KDM4C: variants seen among roughly 807,000 people sequenced by gnomAD.
KDM4C encodes the protein lysine demethylase 4C.
Under a neutral mutation model 129.3 loss-of-function variants are expected in KDM4C, and 81 were observed. The ratio of observed to expected loss-of-function variants is 0.63; its 90% CI spans 0.52 to 0.75. KDM4C has a LOEUF of 0.75. Among genes scored for constraint, KDM4C ranks in the 30% least tolerant of loss-of-function variants. KDM4C has a pLI of 0.00. For synonymous variants in KDM4C, 573 were observed against 456.1 expected, an observed-to-expected ratio of 1.26 and a Z score of -3.26; for missense variants, 1,457 against 1,304.0, an observed-to-expected ratio of 1.12 and a Z score of -1.81.
intron 18 of KDM4C, among the ~76,000 whole-genome samples, chr9:7,114,889 G>C (rs1328087183): frequency 2.0e-5 from 3 of 152,002 alleles, no homozygotes; most frequent in South Asian, 4.2e-4. Context: ...TATCAGCCTG[G>C]GCAACACAAC....
At chr9:7,061,335 A>T (rs543328355) in intron 17 of KDM4C, among the ~76,000 whole-genome samples, 1 of 152,294 alleles carries the variant, frequency 6.6e-6, no homozygotes, top group East Asian at 1.9e-4. Context: ...CCTTTGAGAA[A>T]CCTGTCCCGG....
At chr9:7,032,082 C>G (rs1056920475) in intron 15 of KDM4C, among the ~76,000 whole-genome samples, 8 of 152,240 alleles carry the variant, frequency 5.3e-5, no homozygotes, top group Non-Finnish European at 1.0e-4. Flanking sequence ...GAAGCTCCAA[C>G]CCCTGTAACT....
chr9:7,129,844 A>T (rs1328180131), intron 19 of KDM4C, among the ~76,000 whole-genome samples: 1 of 152,186 alleles, frequency 6.6e-6, no homozygotes, highest in East Asian at 1.9e-4. Flanking sequence ...AACCCTACAC[A>T]CTAGGCACTA....
At position 7,000,087 on chromosome 9, in the gene KDM4C, T is replaced by A. The variant is rs4742280; in HGVS notation, c.1786+9563T>A. 6.7e-3 allele frequency among the ~76,000 whole-genome samples: 1,025 copies of A among 152,284 alleles called. 48 individuals carry two copies. The highest frequency in any genetic ancestry group is 0.061 in the Admixed American group (934 of 15,286). On this transcript the variant is annotated intron_variant, in intron 12 of 21. Transcript: ENST00000381309. ...CGTTATGTGGACACAAAACATTAGATGTTGTTGGCATTCAGATAAAATGGA... is the reference window on the plus strand; with the variant it reads ...CGTTATGTGGACACAAAACATTAGAAGTTGTTGGCATTCAGATAAAATGGA...
At chr9:6,883,412 C>T (rs1014353725) in intron 6 of KDM4C, among the ~76,000 whole-genome samples, 3 of 152,090 alleles carry the variant, frequency 2.0e-5, no homozygotes, top group Non-Finnish European at 4.4e-5. Context: ...ATGTGTGGTG[C>T]GTCAGGGTAT....
At chr9:6,965,590 G>A (rs1193212283) in intron 8 of KDM4C, among the ~76,000 whole-genome samples, 6 of 152,192 alleles carry the variant, frequency 3.9e-5, no homozygotes, top group Non-Finnish European at 5.9e-5. Flanking sequence ...AACTGATGAT[G>A]TACTTTTCTG....
intron 11 of KDM4C, among the ~76,000 whole-genome samples, chr9:6,988,019 G>A (rs931303555): frequency 1.3e-5 from 2 of 151,590 alleles, no homozygotes; most frequent in African/African-American, 2.4e-5. Context: ...AAAAAATTTA[G>A]TGGTGTGTGC....
chr9:7,080,142 CTAGTCCACA>C (rs1834367495), intron 17 of KDM4C, among the ~76,000 whole-genome samples: 1 of 152,210 alleles, frequency 6.6e-6, no homozygotes. Flanking sequence ...TGGTCCACAA[CTAGTCCACA>C]TAACCCAGCC....
At chr9:6,947,994 ATTC>A (rs1367126403) in intron 8 of KDM4C, 1 of 152,060 alleles carries the variant, frequency 6.6e-6, no homozygotes, top group African/African-American at 2.4e-5. Context: ...ACTTCTCCTT[ATTC>A]TTCTAAGTGT....
At chr9:7,139,180 TGGGA>T (rs1038559419) in intron 19 of KDM4C, among the ~76,000 whole-genome samples, 1 of 151,984 alleles carries the variant, frequency 6.6e-6, no homozygotes, top group African/African-American at 2.4e-5. Context: ...GAGGCTGAGG[TGGGA>T]GGATCACTTG....
chr9:7,154,467 G>C (rs898667748), intron 19 of KDM4C, among the ~76,000 whole-genome samples: 1 of 152,168 alleles, frequency 6.6e-6, no homozygotes, highest in Non-Finnish European at 1.5e-5. Flanking sequence ...TAGTGATGGG[G>C]GTGGGGATAG....
At chr9:6,859,473 CAAAAAA>C (rs58056883) in intron 5 of KDM4C, among the ~76,000 whole-genome samples, 1 of 47,840 alleles carries the variant, frequency 2.1e-5, no homozygotes, top group South Asian at 1.2e-3. Flanking sequence ...GACTCTGTCT[CAAAAAA>C]AAAAAAAAAA....
chr9:7,021,853 A>C (rs935290030), intron 15 of KDM4C, among the ~76,000 whole-genome samples: 7 of 152,158 alleles, frequency 4.6e-5, no homozygotes, highest in African/African-American at 1.4e-4. Flanking sequence ...ATAGGGGTCA[A>C]GTTTCATTCA....
chr9:6,799,050 G>A (rs1828376760), intron 2 of KDM4C, among the ~76,000 whole-genome samples: 3 of 150,770 alleles, frequency 2.0e-5, no homozygotes, highest in South Asian at 2.1e-4. Flanking sequence ...GTGGGATGGC[G>A]GCCGGGCAGA....
rs1372825409 is a variant in KDM4C at position 7,046,914 on chromosome 9, ATAAG to A, written c.2315+5_2315+8del. On this transcript the variant is annotated splice_donor_variant and coding_sequence_variant, in exon 16 of 22. Coordinates refer to ENST00000381309, the MANE Select transcript of KDM4C (RefSeq NM_015061.6). LOFTEE classifies it high-confidence loss of function. Reference sequence around the variant, plus strand: ...GGTGCTCTTAAGCAAACGAAGAACAATAAGTAAGTAATACATTAATTGTGTTGAA... The same window carrying A: ...GGTGCTCTTAAGCAAACGAAGAACAATAAGTAATACATTAATTGTGTTGAA... 6.4e-7 allele frequency: 1 copy of A among 1,574,250 alleles called. No homozygotes were observed. The highest frequency in any genetic ancestry group is 8.7e-7 in the Non-Finnish European group (1 of 1,144,680).
chr9:6,740,037 G>A (rs533099674), intron 1 of KDM4C, among the ~76,000 whole-genome samples: 259 of 150,108 alleles, frequency 1.7e-3, no homozygotes, highest in Middle Eastern at 3.6e-3. Flanking sequence ...CTACAGGCGC[G>A]CGCCACCACA....
chr9:6,904,334 G>A (rs1484156648), intron 8 of KDM4C, among the ~76,000 whole-genome samples: 1 of 151,776 alleles, frequency 6.6e-6, no homozygotes, highest in Non-Finnish European at 1.5e-5. Context: ...AACATTTCTG[G>A]GTTATAGATA....
At chr9:6,761,253 C>G (rs1202393748) in intron 1 of KDM4C, among the ~76,000 whole-genome samples, 1 of 152,088 alleles carries the variant, frequency 6.6e-6, no homozygotes, top group Non-Finnish European at 1.5e-5. Context: ...AGGTGATCCG[C>G]CCACCTTGGA....
rs868749766 is a variant in KDM4C, at chr9:6,798,861, C to A, written c.144+5729C>A. 3.3e-5 allele frequency among the ~76,000 whole-genome samples: 5 copies of A among 151,412 alleles called. No individual in the cohort carries two copies. In the South Asian group the frequency reaches 1.0e-3, roughly 32 times the overall value. On this transcript the variant is annotated intron_variant, in intron 2 of 21. Transcript: ENST00000381309. ...CTTCTCAGACGGGGCGGCTGCCGGGCGGAGGGTCTCCTCACTTCTCAGACG... is the reference window on the plus strand; with the variant it reads ...CTTCTCAGACGGGGCGGCTGCCGGGAGGAGGGTCTCCTCACTTCTCAGACG...
Sources: allele counts gnomAD v4.1 joint callset (sites outside exome capture counted in the v4.1 genomes callset), GRCh38; gene constraint gnomAD v4.1.1; transcripts MANE v1.5; gene names NCBI Gene and HGNC (gene_info 2026-07-23, HGNC 2026-07-21).